MSRA: variants seen among roughly 807,000 people sequenced by gnomAD.
MSRA encodes methionine sulfoxide reductase A.
In MSRA, 54 loss-of-function variants were observed where a neutral mutation model predicts 31.3. That is an observed-to-expected ratio of 1.73 (90% CI 1.39 to 2.17). The LOEUF (loss-of-function observed/expected upper bound fraction) is 2.17. MSRA is among the 30% of genes most tolerant of loss of function. The pLI, the probability that MSRA is intolerant of heterozygous loss-of-function variation, is 0.00. For synonymous variants in MSRA, 169 were observed against 116.5 expected, an observed-to-expected ratio of 1.45 and a Z score of -2.90; for missense variants, 507 against 300.9, an observed-to-expected ratio of 1.69 and a Z score of -5.07.
chr8:10,353,020 T>C (rs1804278306), intron 5 of MSRA, among the ~76,000 whole-genome samples: 1 of 152,128 alleles, frequency 6.6e-6, no homozygotes, highest in Non-Finnish European at 1.5e-5. Context: ...GTTGAAGTCA[T>C]CTTGCCTGAT....
intron 5 of MSRA, among the ~76,000 whole-genome samples, chr8:10,365,275 C>T (rs1260082657): frequency 2.0e-5 from 3 of 152,138 alleles, no homozygotes; most frequent in Non-Finnish European, 4.4e-5. Context: ...CCCGCTCCCT[C>T]CGAGCATCTG....
chr8:10,409,753 G>A (rs964644334), intron 5 of MSRA, among the ~76,000 whole-genome samples: 9 of 152,230 alleles, frequency 5.9e-5, no homozygotes, highest in African/African-American at 2.2e-4. Context: ...TGATTTAATA[G>A]ACTCAATCAA....
At chr8:10,346,309 G>T (rs543355083) in intron 5 of MSRA, among the ~76,000 whole-genome samples, 1 of 152,226 alleles carries the variant, frequency 6.6e-6, no homozygotes, top group East Asian at 1.9e-4. Flanking sequence ...ATGACTTTGC[G>T]CTCAGCATGC....
intron 1 of MSRA, among the ~76,000 whole-genome samples, chr8:10,112,620 A>G (rs1402880967): frequency 6.6e-6 from 1 of 152,228 alleles, no homozygotes; most frequent in Non-Finnish European, 1.5e-5. Flanking sequence ...AGCACCTACT[A>G]TGTGCTAAGC....
At chr8:10,279,248 C>T (rs1799489409) in intron 3 of MSRA, among the ~76,000 whole-genome samples, 1 of 152,174 alleles carries the variant, frequency 6.6e-6, no homozygotes, top group South Asian at 2.1e-4. Flanking sequence ...CATGTAGCCA[C>T]TCAGCATAAC....
At chr8:10,373,079 C>A (rs141200861) in intron 5 of MSRA, among the ~76,000 whole-genome samples, 1 of 152,092 alleles carries the variant, frequency 6.6e-6, no homozygotes, top group Non-Finnish European at 1.5e-5. Context: ...TTAGTAGAGA[C>A]GAGGTTTTGC....
At chr8:10,098,409 T>C (rs998814738) in intron 1 of MSRA, among the ~76,000 whole-genome samples, 8 of 152,194 alleles carry the variant, frequency 5.3e-5, no homozygotes, top group Non-Finnish European at 1.0e-4. Flanking sequence ...TGCGAACTTC[T>C]CAGGAAGCGT....
chr8:10,331,207 T>A (rs1454026004), intron 5 of MSRA, among the ~76,000 whole-genome samples: 2 of 152,204 alleles, frequency 1.3e-5, no homozygotes, highest in Non-Finnish European at 2.9e-5. Flanking sequence ...ACGTAGTCTG[T>A]TACTTTGTTA....
At chr8:10,356,316 C>T (rs1204751379) in intron 5 of MSRA, among the ~76,000 whole-genome samples, 1 of 152,176 alleles carries the variant, frequency 6.6e-6, no homozygotes, top group Admixed American at 6.5e-5. Context: ...ATACAGAAAG[C>T]AATATTAAGC....
intron 5 of MSRA, among the ~76,000 whole-genome samples, chr8:10,339,330 T>A (rs1031179508): frequency 6.6e-6 from 1 of 152,160 alleles, no homozygotes; most frequent in Non-Finnish European, 1.5e-5. Context: ...AGGCAACTCA[T>A]GTTTGAAATT....
intron 1 of MSRA, among the ~76,000 whole-genome samples, chr8:10,084,216 C>T (rs372875720): frequency 6.6e-6 from 1 of 152,224 alleles, no homozygotes; most frequent in Non-Finnish European, 1.5e-5. Context: ...GTTTTCCTAG[C>T]GCTTCTCTTT....
At position 10,137,112 on chromosome 8, in the gene MSRA, A is replaced by G. The variant is rs1802340066; in HGVS notation, c.143-70721A>G. The stretch of plus-strand genomic sequence containing the variant: ...CCTTGTTGTGTTCTGAAGAGGGCAC[A>G]CATTTAACAGAACAAAGCTCGTCTG... On this transcript the variant is annotated intron_variant, in intron 1 of 5. Transcript: ENST00000317173. 2.6e-5 allele frequency among the ~76,000 whole-genome samples: 4 copies of G among 152,318 alleles called. No homozygotes were observed. The South Asian group carries it at 6.2e-4, about 24-fold the overall frequency.
At chr8:10,187,169 C>T (rs531961274) in intron 1 of MSRA, among the ~76,000 whole-genome samples, 22 of 152,282 alleles carry the variant, frequency 1.4e-4, no homozygotes, top group East Asian at 3.9e-4. Flanking sequence ...GGAAATGGTA[C>T]GACCAGCCGC....
intron 5 of MSRA, among the ~76,000 whole-genome samples, chr8:10,373,993 A>G (rs1425991644): frequency 6.6e-6 from 1 of 152,166 alleles, no homozygotes; most frequent in East Asian, 1.9e-4. Flanking sequence ...TCTCACTGCC[A>G]TGCTCGCCCT....
chr8:10,426,131 T>C (rs1162983459), intron 5 of MSRA, among the ~76,000 whole-genome samples: 1 of 152,182 alleles, frequency 6.6e-6, no homozygotes, highest in African/African-American at 2.4e-5. Flanking sequence ...ACATACTCCA[T>C]TTCCAAGGAG....
Position 10,207,841 on chromosome 8 carries a change from C to T in MSRA, c.151C>T (p.His51Tyr), listed in dbSNP as rs756707975. Residue 51 changes from histidine to tyrosine, a missense_variant, in exon 2 of 6, where the codon CAT (histidine) becomes TAT (tyrosine). By Grantham distance (83) the His-to-Tyr change is moderately conservative. Transcript: ENST00000317173. ...KEQTPVAAKH[H>Y]VNGNRTVEPF... The stretch of plus-strand genomic sequence containing the variant: ...TTTTTTTTTTTTTCTAGCCAAACAT[C>T]ATGTCAATGGCAACAGAACAGTCGA... 4 of 1,606,130 alleles carry T rather than the reference C, an allele frequency of 2.5e-6. No individual in the cohort carries two copies. Among genetic ancestry groups the T allele is most frequent in the Non-Finnish European group, 3.4e-6 (4 of 1,176,418 alleles).
At chr8:10,199,564 C>T (rs890324064) in intron 1 of MSRA, among the ~76,000 whole-genome samples, 7 of 151,888 alleles carry the variant, frequency 4.6e-5, no homozygotes, top group African/African-American at 1.2e-4. Context: ...GTGATCTGCC[C>T]GCCAGTTTTT....
chr8:10,206,518 C>T (rs745610494), intron 1 of MSRA, among the ~76,000 whole-genome samples: 37 of 152,196 alleles, frequency 2.4e-4, no homozygotes, highest in African/African-American at 8.4e-4. Flanking sequence ...TGGATGGGTG[C>T]TCAAGATCTT....
At chr8:10,092,853 G>T (rs1309668066) in intron 1 of MSRA, among the ~76,000 whole-genome samples, 1 of 152,070 alleles carries the variant, frequency 6.6e-6, no homozygotes, top group East Asian at 1.9e-4. Flanking sequence ...ATTTTGCTTT[G>T]TGTATTTTGG....
Sources: gnomAD v4.1 joint callset for allele counts (sites outside exome capture counted in the v4.1 genomes callset) on GRCh38, gnomAD v4.1.1 for gene constraint, MANE v1.5 for transcripts, NCBI Gene and HGNC (gene_info 2026-07-23, HGNC 2026-07-21) for gene names.